Variants in AKAP13 observed in about 807,000 individuals in gnomAD.
AKAP13 encodes the protein A-kinase anchor protein 13.
AKAP13 carries 80 observed loss-of-function variants against 264.5 expected under a neutral mutation model. That is an observed-to-expected ratio of 0.30 (90% CI 0.25 to 0.36). The LOEUF is 0.36. Among genes scored for constraint, AKAP13 ranks in the 10% least tolerant of loss-of-function variants. The probability of loss-of-function intolerance (pLI) is 1.00; values close to 1 mark genes in which losing one functional copy is unlikely to be tolerated. For synonymous variants in AKAP13, 1,380 were observed against 1,250.2 expected, an observed-to-expected ratio of 1.10 and a Z score of -2.19; for missense variants, 3,712 against 3,435.2, an observed-to-expected ratio of 1.08 and a Z score of -2.01.
intron 17 of AKAP13, among the ~76,000 whole-genome samples, chr15:85,706,801 T>C (rs2086293478): frequency 6.6e-6 from 1 of 151,724 alleles, no homozygotes. Context: ...CCTAAGAGAG[T>C]CTCAATACAC....
intron 8 of AKAP13, among the ~76,000 whole-genome samples, chr15:85,622,080 A>G (rs1239326331): frequency 2.0e-5 from 3 of 152,350 alleles, no homozygotes; most frequent in South Asian, 2.1e-4. Flanking sequence ...TTTGAGAACT[A>G]TAAACTCAAA....
At chr15:85,387,022 T>C (rs147113633) in intron 1 of AKAP13, among the ~76,000 whole-genome samples, 53 of 152,272 alleles carry the variant, frequency 3.5e-4, no homozygotes, top group African/African-American at 1.2e-3. Flanking sequence ...GGTTTTTCTT[T>C]TTCTTTTTTT....
At chr15:85,530,524 T>C (rs569062861) in intron 3 of AKAP13, among the ~76,000 whole-genome samples, 3 of 152,342 alleles carry the variant, frequency 2.0e-5, no homozygotes, top group Non-Finnish European at 2.9e-5. Context: ...TCTAAGGCAC[T>C]GTAAATTTAA....
chr15:85,667,495 G>C (rs2083668234), intron 13 of AKAP13, among the ~76,000 whole-genome samples: 1 of 152,186 alleles, frequency 6.6e-6, no homozygotes. Flanking sequence ...ACTGAGCACA[G>C]CTTTGCTAAG....
intron 8 of AKAP13, among the ~76,000 whole-genome samples, chr15:85,599,941 C>T (rs2079982196): frequency 6.6e-6 from 1 of 151,954 alleles, no homozygotes; most frequent in Admixed American, 6.6e-5. Flanking sequence ...TTGGAGTCAC[C>T]CTATTGGTTA....
At chr15:85,548,368 C>G (rs2077828180) in intron 5 of AKAP13, among the ~76,000 whole-genome samples, 1 of 152,220 alleles carries the variant, frequency 6.6e-6, no homozygotes, top group South Asian at 2.1e-4. Context: ...CATACAGATT[C>G]TGGTTATTTT....
chr15:85,726,763 G>A (rs1325307935), intron 27 of AKAP13, among the ~76,000 whole-genome samples: 1 of 152,182 alleles, frequency 6.6e-6, no homozygotes, highest in Admixed American at 6.5e-5. Flanking sequence ...TCACATTTGA[G>A]CCCATAAATG....
intron 17 of AKAP13, among the ~76,000 whole-genome samples, chr15:85,699,808 G>A (rs1464805801): frequency 6.6e-6 from 1 of 152,212 alleles, no homozygotes; most frequent in Non-Finnish European, 1.5e-5. Flanking sequence ...GTTATTGATA[G>A]CACCAGCTTG....
chr15:85,688,668 C>G (rs552540903), intron 16 of AKAP13, among the ~76,000 whole-genome samples: 20 of 152,242 alleles, frequency 1.3e-4, no homozygotes, highest in African/African-American at 4.6e-4. Flanking sequence ...GTAAACTGTT[C>G]ACATTCCTAG....
At position 85,548,502 on chromosome 15, in the gene AKAP13, T is replaced by A. The variant is rs1158997484; in HGVS notation, c.662+4547T>A. ...AAGCTTGCCTACTTAGTAGTTAGTG[T>A]GACTTGGAAAATGTCACCTATCCAC... On this transcript the variant is annotated intron_variant, in intron 5 of 36. Transcript: ENST00000394518. 2.0e-5 allele frequency among the ~76,000 whole-genome samples: 3 copies of A among 152,184 alleles called. No homozygotes were observed. The East Asian group carries it at 5.8e-4, about 29-fold the overall frequency.
chr15:85,633,706 G>T (rs557817866), intron 8 of AKAP13, among the ~76,000 whole-genome samples: 8 of 151,804 alleles, frequency 5.3e-5, no homozygotes, highest in Non-Finnish European at 1.0e-4. Flanking sequence ...ACCACGCCTG[G>T]CTAATGTTTT....
intron 5 of AKAP13, among the ~76,000 whole-genome samples, chr15:85,569,447 TTTTC>T (rs2078724989): frequency 9.6e-6 from 1 of 104,300 alleles, no homozygotes; most frequent in African/African-American, 2.7e-5. Context: ...TATTTTTTTC[TTTTC>T]TTTTTTTTTT....
chr15:85,632,867 T>C (rs2081903522), intron 8 of AKAP13, among the ~76,000 whole-genome samples: 2 of 35,108 alleles, frequency 5.7e-5, no homozygotes, highest in Admixed American at 7.4e-4. Context: ...TTCTAAGAAA[T>C]AAAATTTTTT....
intron 1 of AKAP13, among the ~76,000 whole-genome samples, chr15:85,436,884 A>G (rs1053752475): frequency 2.0e-4 from 30 of 152,146 alleles, no homozygotes; most frequent in African/African-American, 6.3e-4. Context: ...CAAAATTGAC[A>G]CCCTAACATC....
chr15:85,536,620 A>T (rs748238627), intron 4 of AKAP13: 1 of 152,252 alleles, frequency 6.6e-6, no homozygotes, highest in African/African-American at 2.4e-5. Flanking sequence ...ATATATCCAT[A>T]CAGTGGAATA....
At chr15:85,458,314 T>A (rs2074355088) in intron 1 of AKAP13, among the ~76,000 whole-genome samples, 1 of 151,552 alleles carries the variant, frequency 6.6e-6, no homozygotes, top group African/African-American at 2.4e-5. Context: ...CCCATAATTG[T>A]AATTTCTAGG....
chr15:85,583,335 A>C (rs1198675940), intron 7 of AKAP13, among the ~76,000 whole-genome samples: 1 of 152,268 alleles, frequency 6.6e-6, no homozygotes, highest in Non-Finnish European at 1.5e-5. Flanking sequence ...TACAGTGGTT[A>C]TTTTCCCTGG....
chr15:85,662,789 A>G (rs972641655), intron 12 of AKAP13, among the ~76,000 whole-genome samples: 1 of 152,240 alleles, frequency 6.6e-6, no homozygotes, highest in African/African-American at 2.4e-5. Flanking sequence ...CAAGGCAGCT[A>G]ATAAGATGCA....
chr15:85,442,398 A>C (rs2073694359), intron 1 of AKAP13, among the ~76,000 whole-genome samples: 1 of 108,744 alleles, frequency 9.2e-6, no homozygotes, highest in African/African-American at 3.7e-5. Context: ...TGATAGAGCA[A>C]GATTCTGTCT....
Sources: gnomAD v4.1 joint callset for allele counts (sites outside exome capture counted in the v4.1 genomes callset) on GRCh38, gnomAD v4.1.1 for gene constraint, MANE v1.5 for transcripts, NCBI Gene and HGNC (gene_info 2026-07-23, HGNC 2026-07-21) for gene names.